The following ASZ1 variants were observed in gnomAD, a reference collection of about 807,000 sequenced individuals.
The protein encoded by ASZ1 is ankyrin repeat, SAM and basic leucine zipper domain containing 1.
ASZ1 carries 67 observed loss-of-function variants against 61.8 expected under a neutral mutation model. That is an observed-to-expected ratio of 1.08 (90% CI 0.89 to 1.33). The LOEUF (loss-of-function observed/expected upper bound fraction) is 1.33. Ranked by LOEUF, ASZ1 falls within the 40% of genes most tolerant of loss-of-function variation. ASZ1 has a pLI of 0.00. For synonymous variants in ASZ1, 193 were observed against 192.7 expected (o/e 1.00, Z -0.01); for missense variants, 577 against 554.5 (o/e 1.04, Z -0.41).
At chr7:117,382,482 C>A (rs879369749) in intron 7 of ASZ1, among the ~76,000 whole-genome samples, 1 of 151,584 alleles carries the variant, frequency 6.6e-6, no homozygotes, top group Non-Finnish European at 1.5e-5. Flanking sequence ...TGCTTGAGCA[C>A]AGGTGTTTGA....
At position 117,363,528 on chromosome 7, in the gene ASZ1, A is replaced by C; in HGVS notation, c.*68T>G. ...TGTAAAGTTATATTGTGCTGCAAAC[A>C]GTTAAAAGCAATGATTTTTGGATGG... On this transcript the variant is annotated 3_prime_UTR_variant, in exon 13 of 13. Coordinates refer to ENST00000284629, the MANE Select transcript of ASZ1 (RefSeq NM_130768.3). 7.9e-7 allele frequency: 1 copy of C among 1,272,468 alleles called. No homozygotes were observed. The highest frequency in any genetic ancestry group is 1.0e-6 in the Non-Finnish European group (1 of 961,494). 78.8% of individuals were successfully genotyped at this position (1,272,468 alleles called of 1,614,324 possible). A position where few individuals can be genotyped will look rare whatever the true frequency, so the allele number is the denominator to read the frequency against.
chr7:117,387,116 A>G (rs1796372621), intron 4 of ASZ1, among the ~76,000 whole-genome samples: 1 of 150,500 alleles, frequency 6.6e-6, no homozygotes, highest in African/African-American at 2.5e-5. Flanking sequence ...CCTGGGCAAC[A>G]GAGGAAAGCC....
At position 117,427,490 on chromosome 7, in the gene ASZ1, G is replaced by A. The variant is rs765030537; in HGVS notation, c.-30C>T. The A allele has an allele frequency of 3.1e-6, 5 of 1,609,764 alleles. No homozygotes were observed. Among genetic ancestry groups the A allele is most frequent in the Non-Finnish European group, 4.2e-6 (5 of 1,176,856 alleles). ...GCCAAGGAAGCTCCCTGTCGGCACC[G>A]CGCGCCCTTCAGCTCTCCGGGCGCA... On this transcript the variant is annotated 5_prime_UTR_variant, in exon 1 of 13. Coordinates refer to ENST00000284629, the MANE Select transcript of ASZ1 (RefSeq NM_130768.3).
chr7:117,399,027 G>A (rs903980881), intron 4 of ASZ1, among the ~76,000 whole-genome samples: 4 of 152,038 alleles, frequency 2.6e-5, no homozygotes, highest in African/African-American at 7.2e-5. Context: ...CCAGGAGTTC[G>A]AAACCAGACT....
intron 4 of ASZ1, among the ~76,000 whole-genome samples, chr7:117,389,751 T>C (rs1306062385): frequency 4.6e-5 from 7 of 152,230 alleles, no homozygotes; most frequent in Non-Finnish European, 7.3e-5. Flanking sequence ...CCCCTTCATT[T>C]AGCCCAAAAA....
intron 5 of ASZ1, among the ~76,000 whole-genome samples, chr7:117,385,220 A>C (rs1370428461): frequency 6.6e-6 from 1 of 151,994 alleles, no homozygotes; most frequent in Non-Finnish European, 1.5e-5. Context: ...ATCAAGAGTA[A>C]GGACTACGAG....
chr7:117,375,665 A>G (rs1796123268), intron 10 of ASZ1, among the ~76,000 whole-genome samples: 2 of 152,100 alleles, frequency 1.3e-5, no homozygotes, highest in Non-Finnish European at 2.9e-5. Context: ...CTGGAAATCG[A>G]TAACAGAAAA....
At chr7:117,392,854 T>A (rs981308315) in intron 4 of ASZ1, among the ~76,000 whole-genome samples, 2 of 151,248 alleles carry the variant, frequency 1.3e-5, no homozygotes, top group Admixed American at 1.3e-4. Context: ...ATATCTTTTT[T>A]TTTTTTTTTT....
At chr7:117,367,718 A>G (rs1238152772) in intron 11 of ASZ1, 3 of 957,614 alleles carry the variant, frequency 3.1e-6, no homozygotes, top group Non-Finnish European at 3.8e-6. Context: ...AATAACATTT[A>G]TGATGAACAA....
intron 12 of ASZ1, among the ~76,000 whole-genome samples, chr7:117,366,639 A>C (rs1022769269): frequency 1.4e-4 from 22 of 151,810 alleles, no homozygotes; most frequent in African/African-American, 3.9e-4. Flanking sequence ...ACCTGTCCTT[A>C]AATACAGATA....
chr7:117,384,641 TA>T (rs1796312938), intron 6 of ASZ1, 84 bp downstream of exon 6: 1 of 1,429,504 alleles, frequency 7.0e-7, no homozygotes, highest in African/African-American at 1.5e-5. Flanking sequence ...ATTACACTTT[TA>T]ATTCTAACAG....
intron 10 of ASZ1, among the ~76,000 whole-genome samples, chr7:117,369,611 G>A (rs141298641): frequency 4.5e-4 from 69 of 152,290 alleles, no homozygotes; most frequent in Middle Eastern, 3.4e-3. Flanking sequence ...CAGTCTTACT[G>A]TGGGGAGGAG....
chr7:117,378,748 T>C (rs1049766930), intron 10 of ASZ1, among the ~76,000 whole-genome samples: 18 of 152,014 alleles, frequency 1.2e-4, no homozygotes, highest in Non-Finnish European at 2.4e-4. Context: ...CAGTTTTATT[T>C]GGAATAGCTA....
At position 117,426,840 on chromosome 7, in the gene ASZ1, A is replaced by C. The variant is rs1449013251; in HGVS notation, c.201T>G (p.Asp67Glu). The C allele has an allele frequency of 6.3e-7, 1 of 1,599,532 alleles. No individual in the cohort carries two copies. The highest frequency in any genetic ancestry group is 1.8e-5 in the Admixed American group (1 of 55,906). The change falls in exon 2 of 13, where the codon GAT (aspartate) becomes GAG (glutamate). Residue 67 changes from aspartate (D) to glutamate (E), a missense_variant. Coordinates refer to ENST00000284629, the MANE Select transcript of ASZ1 (RefSeq NM_130768.3). ...AAACTGTCCCTTATCTCTCACCAGA[A>C]TCTAGGAGCTCCTGGACCAATGAAA... The part of the protein sequence containing the change: ...GDVSLVQELL[D>E]SGISVDSNFQ...
intron 10 of ASZ1, among the ~76,000 whole-genome samples, chr7:117,370,097 A>C (rs1796019948): frequency 6.6e-6 from 1 of 152,132 alleles, no homozygotes; most frequent in African/African-American, 2.4e-5. Flanking sequence ...GGGGTCTTGC[A>C]AGGGTATTTA....
intron 12 of ASZ1, among the ~76,000 whole-genome samples, chr7:117,365,944 C>A (rs1795928524): frequency 6.6e-6 from 1 of 152,198 alleles, no homozygotes; most frequent in African/African-American, 2.4e-5. Context: ...ATAGAATTTG[C>A]TTCACAACTT....
At chr7:117,425,255 A>ATTTCTTTTT (rs1554366296) in intron 2 of ASZ1, among the ~76,000 whole-genome samples, 2 of 86,688 alleles carry the variant, frequency 2.3e-5, no homozygotes, top group Non-Finnish European at 4.7e-5. Context: ...CCTTTGAGTA[A>ATTTCTTTTT]TTTCTTTTTT....
At chr7:117,368,822 C>A (rs1795994447) in intron 10 of ASZ1, 105 bp from the exon 11 acceptor site, 2 of 1,548,892 alleles carry the variant, frequency 1.3e-6, no homozygotes, top group South Asian at 2.4e-5. Context: ...TTAGATTCTT[C>A]CAAAAGAATT....
In ASZ1 at chr7:117,377,715, A is replaced by C. The variant is rs866460707; in HGVS notation, c.1055+2223T>G. ...AAGCTTTATCTAAAATGTATATGGA[A>C]AGAAAAAGGCTCTAGAAGAGCCAAG... is the stretch of plus-strand genomic sequence containing the variant. On this transcript the variant is annotated intron_variant, in intron 10 of 12. Coordinates refer to ENST00000284629, the MANE Select transcript of ASZ1 (RefSeq NM_130768.3). Among the ~76,000 whole-genome samples the C allele has an allele frequency of 3.9e-5, 6 of 152,122 alleles. No homozygotes were observed. The South Asian group carries it at 8.3e-4, about 21-fold the overall frequency.
Sources: gnomAD v4.1 joint callset for allele counts (sites outside exome capture counted in the v4.1 genomes callset) on GRCh38, gnomAD v4.1.1 for gene constraint, MANE v1.5 for transcripts, NCBI Gene and HGNC (gene_info 2026-07-23, HGNC 2026-07-21) for gene names.